The following C1orf21 variants were observed in gnomAD, a reference collection of about 807,000 sequenced individuals.
The protein encoded by C1orf21 is chromosome 1 open reading frame 21.
A neutral mutation model predicts 18.7 loss-of-function variants in C1orf21; 3 were observed. The ratio of observed to expected loss-of-function variants is 0.16; its 90% CI spans 0.07 to 0.42. The LOEUF (loss-of-function observed/expected upper bound fraction) is 0.42. C1orf21 is among the 10% of genes least tolerant of loss of function. The pLI is 0.99. For missense variants in C1orf21, 104 were observed against 143.6 expected (o/e 0.72, Z 1.41); for synonymous variants, 41 against 46.4 (o/e 0.88, Z 0.47).
intron 2 of C1orf21, among the ~76,000 whole-genome samples, chr1:184,487,368 A>T (rs563364844): frequency 3.9e-5 from 6 of 152,264 alleles, no homozygotes; most frequent in African/African-American, 1.2e-4. Context: ...TACAACTTGG[A>T]TTTGTGCTTT....
intron 2 of C1orf21, among the ~76,000 whole-genome samples, chr1:184,498,574 T>C (rs1160623521): frequency 6.6e-6 from 1 of 152,222 alleles, no homozygotes; most frequent in East Asian, 1.9e-4. Flanking sequence ...CATTTATTCC[T>C]AGCCCTGGAA....
intron 1 of C1orf21, among the ~76,000 whole-genome samples, chr1:184,462,687 T>C (rs557310279): frequency 2.0e-4 from 31 of 152,218 alleles, no homozygotes; most frequent in African/African-American, 7.2e-4. Context: ...TAAAACTAAG[T>C]AGTTAGATAC....
chr1:184,490,544 G>A (rs1300249886), intron 2 of C1orf21, among the ~76,000 whole-genome samples: 2 of 152,132 alleles, frequency 1.3e-5, no homozygotes, highest in Non-Finnish European at 2.9e-5. Context: ...TAACCAACTG[G>A]TGGAGACATA....
In C1orf21 at chr1:184,463,123, G is replaced by C. The variant is rs1484106141; in HGVS notation, c.-124-14263G>C. Among the ~76,000 whole-genome samples, 11 of 150,208 alleles carry C rather than the reference G, an allele frequency of 7.3e-5. No homozygotes were observed. The South Asian group carries it at 2.3e-3, about 32-fold the overall frequency. Reference sequence around the variant, plus strand: ...AAAAAGAAGAAGAAGAAGAATTATAGTGTTCATGTGCAGGCAGTTGTTGGT... The same window carrying C: ...AAAAAGAAGAAGAAGAAGAATTATACTGTTCATGTGCAGGCAGTTGTTGGT... On this transcript the variant is annotated intron_variant, in intron 1 of 5. Coordinates refer to ENST00000235307, the MANE Select transcript of C1orf21 (RefSeq NM_030806.4).
intron 5 of C1orf21, among the ~76,000 whole-genome samples, chr1:184,608,784 C>A (rs964594788): frequency 6.6e-6 from 1 of 152,184 alleles, no homozygotes; most frequent in Non-Finnish European, 1.5e-5. Context: ...CATGGGCCTA[C>A]TTATCTTCCT....
At chr1:184,488,968 AAAAAG>A (rs926809310) in intron 2 of C1orf21, among the ~76,000 whole-genome samples, 1 of 151,676 alleles carries the variant, frequency 6.6e-6, no homozygotes, top group Admixed American at 6.6e-5. Context: ...CTGTCTCAAG[AAAAAG>A]AAAAGAAAAG....
At chr1:184,586,392 T>G (rs1659353584) in intron 3 of C1orf21, among the ~76,000 whole-genome samples, 1 of 151,544 alleles carries the variant, frequency 6.6e-6, no homozygotes, top group Non-Finnish European at 1.5e-5. Context: ...CACGCCATTC[T>G]CCTGCCTCAG....
chr1:184,567,604 G>C, intron 3 of C1orf21: 1 of 447,050 alleles, frequency 2.2e-6, no homozygotes, highest in Non-Finnish European at 4.5e-6. Context: ...GATTTCGTTG[G>C]TGGGGCAGGC....
intron 5 of C1orf21, among the ~76,000 whole-genome samples, chr1:184,618,580 T>C (rs937636540): frequency 6.6e-6 from 1 of 152,220 alleles, no homozygotes. Context: ...AAAATTATTA[T>C]TAGTATCGTT....
intron 3 of C1orf21, among the ~76,000 whole-genome samples, chr1:184,511,958 T>C (rs992918833): frequency 1.3e-5 from 2 of 152,162 alleles, no homozygotes; most frequent in African/African-American, 2.4e-5. Flanking sequence ...CAAGTGAAGA[T>C]TGTAATTTAA....
chr1:184,536,494 G>C (rs1332177360), intron 3 of C1orf21, among the ~76,000 whole-genome samples: 1 of 152,148 alleles, frequency 6.6e-6, no homozygotes, highest in Non-Finnish European at 1.5e-5. Context: ...CCTTTGACCA[G>C]AATGTAGTCA....
intron 1 of C1orf21, among the ~76,000 whole-genome samples, chr1:184,440,266 G>A (rs772543756): frequency 2.0e-5 from 3 of 151,856 alleles, no homozygotes; most frequent in African/African-American, 4.8e-5. Context: ...TTTTTGAGAC[G>A]GAGTCTTGCT....
intron 3 of C1orf21, among the ~76,000 whole-genome samples, chr1:184,527,495 G>C (rs1658394913): frequency 1.3e-5 from 2 of 152,148 alleles, no homozygotes; most frequent in South Asian, 4.1e-4. Context: ...GGGCTGAATA[G>C]GTATTTAAAG....
intron 2 of C1orf21, among the ~76,000 whole-genome samples, chr1:184,486,134 A>G (rs143167931): frequency 6.6e-6 from 1 of 152,350 alleles, no homozygotes; most frequent in East Asian, 1.9e-4. Context: ...TTTTAACTGC[A>G]TTCTTCTGAA....
intron 5 of C1orf21, among the ~76,000 whole-genome samples, chr1:184,601,164 G>A (rs2102003612): frequency 1.3e-5 from 2 of 152,310 alleles, no homozygotes; most frequent in East Asian, 3.9e-4. Flanking sequence ...GAGTCATGCT[G>A]AGAGACCTTG....
chr1:184,480,596 C>T (rs186896771), intron 2 of C1orf21, among the ~76,000 whole-genome samples: 7 of 152,264 alleles, frequency 4.6e-5, no homozygotes, highest in Admixed American at 2.6e-4. Context: ...ACTATTGCTG[C>T]GTAGACTGTA....
intron 1 of C1orf21, among the ~76,000 whole-genome samples, chr1:184,401,188 A>G (rs1429978360): frequency 6.6e-6 from 1 of 151,536 alleles, no homozygotes; most frequent in Non-Finnish European, 1.5e-5. Flanking sequence ...ATTTTTATAG[A>G]ATTGTGGGTC....
At chr1:184,528,651 G>A (rs1014496842) in intron 3 of C1orf21, among the ~76,000 whole-genome samples, 1 of 151,932 alleles carries the variant, frequency 6.6e-6, no homozygotes, top group African/African-American at 2.4e-5. Context: ...CAGCATGTTG[G>A]CCAGGCTGGT....
intron 3 of C1orf21, among the ~76,000 whole-genome samples, chr1:184,511,652 C>T (rs913178128): frequency 4.6e-5 from 7 of 152,110 alleles, no homozygotes; most frequent in Non-Finnish European, 7.4e-5. Flanking sequence ...TATATTAGTC[C>T]GTTTTCATGC....
Sources: allele counts gnomAD v4.1 joint callset (sites outside exome capture counted in the v4.1 genomes callset), GRCh38; gene constraint gnomAD v4.1.1; transcripts MANE v1.5; gene names NCBI Gene and HGNC (gene_info 2026-07-23, HGNC 2026-07-21).